Variants in KCNQ5 observed in about 807,000 individuals in gnomAD.
KCNQ5 encodes the protein potassium voltage-gated channel subfamily Q member 5, also known as potassium voltage-gated channel subfamily KQT member 5.
KCNQ5 carries 30 observed loss-of-function variants against 98.2 expected under a neutral mutation model. That is an observed-to-expected ratio of 0.31 (90% confidence interval 0.23 to 0.41). The LOEUF (loss-of-function observed/expected upper bound fraction) is 0.41, where lower values mean the gene tolerates loss of function less well. KCNQ5 is among the 10% of genes least tolerant of loss of function. KCNQ5 has a pLI of 1.00. For missense variants in KCNQ5, 835 were observed against 1,182.5 expected, an observed-to-expected ratio of 0.71 and a Z score of 4.31; for synonymous variants, 458 against 449.4, an observed-to-expected ratio of 1.02 and a Z score of -0.24.
chr6:73,147,537 G>A (rs1007185336), intron 10 of KCNQ5, among the ~76,000 whole-genome samples: 4 of 151,950 alleles, frequency 2.6e-5, no homozygotes, highest in South Asian at 2.1e-4. Flanking sequence ...ATCAGGGACC[G>A]CTTCCTTTAT....
intron 1 of KCNQ5, among the ~76,000 whole-genome samples, chr6:72,735,422 A>G (rs1420005307): frequency 1.3e-5 from 2 of 152,198 alleles, no homozygotes; most frequent in Non-Finnish European, 2.9e-5. Flanking sequence ...AGCCATTGTT[A>G]TAATAAACAG....
intron 1 of KCNQ5, among the ~76,000 whole-genome samples, chr6:72,842,176 G>A (rs868261328): frequency 2.8e-4 from 43 of 152,270 alleles, no homozygotes; most frequent in African/African-American, 9.6e-4. Flanking sequence ...ATTGGAAGTC[G>A]ATGGGATGTG....
intron 3 of KCNQ5, among the ~76,000 whole-genome samples, chr6:73,074,950 GC>G (rs1773464798): frequency 6.6e-6 from 1 of 152,036 alleles, no homozygotes; most frequent in African/African-American, 2.4e-5. Flanking sequence ...TGAAATAAAA[GC>G]AAAATGTATG....
At chr6:72,836,828 G>A (rs1776526291) in intron 1 of KCNQ5, among the ~76,000 whole-genome samples, 1 of 152,182 alleles carries the variant, frequency 6.6e-6, no homozygotes, top group Admixed American at 6.5e-5. Flanking sequence ...TTTGAGAGCA[G>A]AGCTGGGCCT....
chr6:73,140,507 T>A (rs1383254971), intron 10 of KCNQ5, among the ~76,000 whole-genome samples: 2 of 152,240 alleles, frequency 1.3e-5, no homozygotes, highest in Non-Finnish European at 2.9e-5. Flanking sequence ...AGTATCCTAT[T>A]AGGGCTTCCA....
At position 72,682,440 on chromosome 6, in the gene KCNQ5, T is replaced by C. The variant is rs1278380482; in HGVS notation, c.398+59853T>C. Among the ~76,000 whole-genome samples the C allele has an allele frequency of 5.3e-5, 8 of 152,252 alleles. No homozygotes were observed. In the East Asian group the frequency reaches 1.5e-3, roughly 29 times the overall value. On this transcript the variant is annotated intron_variant, in intron 1 of 13. Coordinates refer to ENST00000370398, the MANE Select transcript of KCNQ5 (RefSeq NM_019842.4). Reference sequence around the variant, plus strand: ...CCTTATTTTCAGTTTACAAAAAGGATTTGTACCTTTTTTTTCCTTTGGCCC... The same window carrying C: ...CCTTATTTTCAGTTTACAAAAAGGACTTGTACCTTTTTTTTCCTTTGGCCC...
chr6:72,763,312 T>C (rs1250371003), intron 1 of KCNQ5, among the ~76,000 whole-genome samples: 1 of 152,018 alleles, frequency 6.6e-6, no homozygotes, highest in African/African-American at 2.4e-5. Flanking sequence ...GCTGAGTTAT[T>C]ATAAACACTA....
chr6:72,768,724 C>T (rs1481421693), intron 1 of KCNQ5, among the ~76,000 whole-genome samples: 2 of 151,836 alleles, frequency 1.3e-5, no homozygotes, highest in Non-Finnish European at 2.9e-5. Flanking sequence ...AATTAATGGG[C>T]TTCTTTATAG....
chr6:72,981,615 G>A (rs1768455570), intron 1 of KCNQ5, among the ~76,000 whole-genome samples: 3 of 152,056 alleles, frequency 2.0e-5, no homozygotes, highest in Non-Finnish European at 4.4e-5. Context: ...CCAGCTCCTG[G>A]ATTCACTGAT....
In KCNQ5 at chr6:73,169,863, A is replaced by G; in HGVS notation, c.1577+9A>G. 6.4e-7 allele frequency: 1 copy of G among 1,552,268 alleles called. No individual in the cohort carries two copies. Among genetic ancestry groups the G allele is most frequent in the Non-Finnish European group, 8.9e-7 (1 of 1,123,352 alleles). ...GTCATTCGAGCTATCAGGTTGGTGA[A>G]AATCTTGAACAACGTGATTCAGAGA... On this transcript the variant is annotated intron_variant, in intron 11 of 13. Transcript: ENST00000370398.
At chr6:72,876,340 C>T (rs1390254368) in intron 1 of KCNQ5, among the ~76,000 whole-genome samples, 5 of 152,106 alleles carry the variant, frequency 3.3e-5, no homozygotes, top group Non-Finnish European at 7.4e-5. Context: ...AGCAAGCTCT[C>T]TTAAACATTT....
chr6:73,015,792 TAGAAGG>T (rs1319964352), intron 2 of KCNQ5, among the ~76,000 whole-genome samples: 3 of 152,140 alleles, frequency 2.0e-5, no homozygotes, highest in Non-Finnish European at 1.5e-5. Context: ...TGTTTGTCAG[TAGAAGG>T]AAAAACACCC....
chr6:72,690,338 T>C (rs1464131181), intron 1 of KCNQ5, among the ~76,000 whole-genome samples: 1 of 152,204 alleles, frequency 6.6e-6, no homozygotes, highest in East Asian at 1.9e-4. Flanking sequence ...TATAATTTCA[T>C]CATCATCATA....
chr6:72,920,800 C>T (rs1385797315), intron 1 of KCNQ5, among the ~76,000 whole-genome samples: 5 of 152,150 alleles, frequency 3.3e-5, no homozygotes, highest in Non-Finnish European at 7.3e-5. Flanking sequence ...GATGGATCAA[C>T]CATCTTCTTT....
chr6:72,961,301 G>A (rs867128007), intron 1 of KCNQ5, among the ~76,000 whole-genome samples: 5 of 152,104 alleles, frequency 3.3e-5, no homozygotes, highest in Non-Finnish European at 5.9e-5. Context: ...GCATTTTTTG[G>A]AAATGATTTC....
chr6:72,948,656 ATTT>A (rs1766657627), intron 1 of KCNQ5, among the ~76,000 whole-genome samples: 7 of 152,044 alleles, frequency 4.6e-5, no homozygotes, highest in Admixed American at 3.9e-4. Context: ...TCCTTAAGTT[ATTT>A]TCTATATATT....
At chr6:73,024,307 T>A (rs1250095109) in intron 2 of KCNQ5, among the ~76,000 whole-genome samples, 3 of 142,786 alleles carry the variant, frequency 2.1e-5, no homozygotes, top group African/African-American at 8.0e-5. Context: ...CAAAAAAAAA[T>A]AACCTTAGGT....
At chr6:72,819,621 A>G (rs1444224948) in intron 1 of KCNQ5, among the ~76,000 whole-genome samples, 1 of 152,166 alleles carries the variant, frequency 6.6e-6, no homozygotes, top group African/African-American at 2.4e-5. Context: ...TTGGGGTCCT[A>G]TAGATACATG....
At chr6:72,732,582 A>G (rs1489338801) in intron 1 of KCNQ5, among the ~76,000 whole-genome samples, 1 of 152,332 alleles carries the variant, frequency 6.6e-6, no homozygotes, top group East Asian at 1.9e-4. Context: ...GTGGAGAGGA[A>G]GCCACTGGGA....
Sources: gnomAD v4.1 joint callset for allele counts (sites outside exome capture counted in the v4.1 genomes callset) on GRCh38, gnomAD v4.1.1 for gene constraint, MANE v1.5 for transcripts, NCBI Gene and HGNC (gene_info 2026-07-23, HGNC 2026-07-21) for gene names.